The following SCP2 variants were observed in gnomAD, a reference collection of about 807,000 sequenced individuals.
SCP2 encodes SCP-2/3-oxoacyl-CoA thiolase.
SCP2 carries 48 observed loss-of-function variants against 71.4 expected under a neutral mutation model. The observed-to-expected ratio is 0.67, with a 90% CI of 0.53 to 0.86. The LOEUF is 0.86. SCP2 is among the 40% of genes least tolerant of loss of function. The pLI is 0.00. For missense variants in SCP2, 560 were observed against 655.6 expected (o/e 0.85, Z 1.59); for synonymous variants, 220 against 218.1 (o/e 1.01, Z -0.08).
chr1:52,987,006 ATTTTTTT>A (rs1163545483), intron 10 of SCP2, among the ~76,000 whole-genome samples: 6,258 of 110,462 alleles, frequency 0.057, 207 homozygotes, highest in African/African-American at 0.12. Flanking sequence ...ATATATATAT[ATTTTTTT>A]TTTTTTTTTT....
Position 53,031,758 on chromosome 1 carries a change from T to G in SCP2, c.1338+3687T>G, listed in dbSNP as rs80326887. Reference sequence around the variant, plus strand: ...AAAATGTTTTATTGTCGAAGGGATGTGATTTTATAAGAGGATCAGTTGTTT... The same window carrying G: ...AAAATGTTTTATTGTCGAAGGGATGGGATTTTATAAGAGGATCAGTTGTTT... On this transcript the variant is annotated intron_variant, in intron 13 of 15. Transcript: ENST00000371514. Among the ~76,000 whole-genome samples, 949 of 152,336 alleles carry G rather than the reference T, an allele frequency of 6.2e-3. 15 individuals carry two copies. The highest frequency in any genetic ancestry group is 0.022 in the African/African-American group (912 of 41,582).
At chr1:52,935,308 G>A (rs1486506731) in intron 1 of SCP2, among the ~76,000 whole-genome samples, 1 of 151,902 alleles carries the variant, frequency 6.6e-6, no homozygotes, top group Non-Finnish European at 1.5e-5. Flanking sequence ...TTGGCGGGGC[G>A]TGGTGGCTCA....
intron 9 of SCP2, among the ~76,000 whole-genome samples, chr1:52,979,491 A>G (rs1658288894): frequency 6.6e-6 from 1 of 152,010 alleles, no homozygotes; most frequent in South Asian, 2.1e-4. Context: ...GCCTGGCCTC[A>G]CCGTTTTATT....
intron 6 of SCP2, among the ~76,000 whole-genome samples, chr1:52,965,492 C>G (rs1278298228): frequency 6.6e-6 from 1 of 152,136 alleles, no homozygotes; most frequent in African/African-American, 2.4e-5. Context: ...TTCTTCATAT[C>G]TAAGTGTTTT....
intron 1 of SCP2, among the ~76,000 whole-genome samples, chr1:52,932,797 A>G: frequency 6.6e-6 from 1 of 152,196 alleles, no homozygotes; most frequent in East Asian, 1.9e-4. Context: ...TTGTTATGAG[A>G]TTATTATATG....
chr1:52,927,295 C>T lies in SCP2; in HGVS notation c.-102C>T, dbSNP rs867378228. ...ACTCTCACGCGCCTGTGTTGCCGCC[C>T]GCGGCCCTGGCTTCGGGCTTCAGGG... On this transcript the variant is annotated 5_prime_UTR_variant, in exon 1 of 16. Coordinates refer to ENST00000371514, the MANE Select transcript of SCP2 (RefSeq NM_002979.5). 8 of 1,043,342 alleles carry T rather than the reference C, an allele frequency of 7.7e-6. No individual in the cohort carries two copies. Among genetic ancestry groups the T allele is most frequent in the South Asian group, 6.8e-5 (5 of 73,956 alleles). 64.6% of individuals were successfully genotyped at this position (1,043,342 alleles called of 1,614,324 possible).
intron 6 of SCP2, among the ~76,000 whole-genome samples, chr1:52,973,692 G>A (rs1657699455): frequency 6.6e-6 from 1 of 152,148 alleles, no homozygotes; most frequent in African/African-American, 2.4e-5. Context: ...TCCTGCCTCA[G>A]CCTCCCAAGT....
chr1:52,982,374 T>A (rs963451564), intron 10 of SCP2, among the ~76,000 whole-genome samples: 1 of 152,012 alleles, frequency 6.6e-6, no homozygotes, highest in African/African-American at 2.4e-5. Context: ...ATCGAGACCA[T>A]CCTGGCTAAC....
chr1:52,931,474 A>C (rs530900035), intron 1 of SCP2, among the ~76,000 whole-genome samples: 1 of 152,246 alleles, frequency 6.6e-6, no homozygotes, highest in African/African-American at 2.4e-5. Flanking sequence ...CTCTAGAATC[A>C]TCTGAGCTGT....
chr1:52,978,170 C>T (rs750346087), intron 8 of SCP2, 47 bp from the exon 9 acceptor site: 22 of 1,587,386 alleles, frequency 1.4e-5, no homozygotes, highest in Admixed American at 5.0e-5. Context: ...TGAAATCCTC[C>T]GATCAGGTGC....
At chr1:52,931,764 A>G (rs1653169591) in intron 1 of SCP2, among the ~76,000 whole-genome samples, 1 of 152,218 alleles carries the variant, frequency 6.6e-6, no homozygotes, top group Admixed American at 6.5e-5. Flanking sequence ...CAGATATTCA[A>G]GGAAAATTTC....
At chr1:52,980,645 G>A (rs146422622) in intron 10 of SCP2, 102 bp downstream of exon 10, 5 of 1,191,866 alleles carry the variant, frequency 4.2e-6, no homozygotes, top group South Asian at 2.5e-5. Context: ...TTCCCTTAAC[G>A]TTGGCTCTGC....
intron 11 of SCP2, among the ~76,000 whole-genome samples, chr1:53,007,843 G>C (rs565449101): frequency 1.3e-5 from 2 of 152,196 alleles, no homozygotes; most frequent in East Asian, 3.9e-4. Flanking sequence ...TCCAGGAGCT[G>C]GTTTTTTGAA....
At chr1:52,973,039 C>T (rs1572115559) in intron 6 of SCP2, among the ~76,000 whole-genome samples, 1 of 152,192 alleles carries the variant, frequency 6.6e-6, no homozygotes, top group Non-Finnish European at 1.5e-5. Context: ...AACATTATAG[C>T]AGTCCCTTCC....
intron 6 of SCP2, among the ~76,000 whole-genome samples, chr1:52,964,786 G>A (rs1006231723): frequency 1.4e-4 from 22 of 152,150 alleles, no homozygotes; most frequent in African/African-American, 4.1e-4. Flanking sequence ...AGGCCAAGGC[G>A]GACGGATCCT....
intron 13 of SCP2, among the ~76,000 whole-genome samples, chr1:53,028,568 AATACT>A (rs780491680): frequency 6.6e-6 from 1 of 151,974 alleles, no homozygotes; most frequent in Non-Finnish European, 1.5e-5. Context: ...TAATTTAAAA[AATACT>A]ATACAGAAAT....
chr1:52,935,202 G>A (rs1466377861), intron 1 of SCP2, among the ~76,000 whole-genome samples: 1 of 151,664 alleles, frequency 6.6e-6, no homozygotes, highest in Non-Finnish European at 1.5e-5. Context: ...GGAGGCGGAG[G>A]TTGCAGGGAG....
rs553927225 is a variant in SCP2 at position 52,943,328 on chromosome 1, T to G, written c.127+1475T>G. Among the ~76,000 whole-genome samples, 9 of 152,064 alleles carry G rather than the reference T, an allele frequency of 5.9e-5. No homozygotes were observed. The East Asian group carries it at 1.7e-3, about 30-fold the overall frequency. On this transcript the variant is annotated intron_variant, in intron 2 of 15. Transcript: ENST00000371514. Reference sequence around the variant, plus strand: ...AGCTCCGCCTCCCGGGTTCACGCTATTCTCCTGCCTCAGCCTCCTGAGTAG... The same window carrying G: ...AGCTCCGCCTCCCGGGTTCACGCTAGTCTCCTGCCTCAGCCTCCTGAGTAG...
Position 52,999,683 on chromosome 1 carries a change from C to A in SCP2, c.1081+11547C>A, listed in dbSNP as rs561740062. On this transcript the variant is annotated intron_variant, in intron 11 of 15. Transcript: ENST00000371514. ...TTCCATTCAGGAAAATTACATTAAA[C>A]TTGAACTTTTTTTGATTACTTTGCA... is the stretch of plus-strand genomic sequence containing the variant. Among the ~76,000 whole-genome samples, 7 of 152,186 alleles carry A rather than the reference C, an allele frequency of 4.6e-5. No individual in the cohort carries two copies. In the East Asian group the frequency reaches 1.2e-3, roughly 25 times the overall value.
Sources: gnomAD v4.1 joint callset for allele counts (sites outside exome capture counted in the v4.1 genomes callset) on GRCh38, gnomAD v4.1.1 for gene constraint, MANE v1.5 for transcripts, NCBI Gene and HGNC (gene_info 2026-07-23, HGNC 2026-07-21) for gene names.